Variants in RLBP1 observed in about 807,000 individuals in gnomAD.
The protein encoded by RLBP1 is retinaldehyde binding protein 1, also known as retinaldehyde-binding protein 1.
In RLBP1, 26 loss-of-function variants were observed where a neutral mutation model predicts 36.2. The observed-to-expected ratio is 0.72, with a 90% confidence interval of 0.53 to 1.00. The LOEUF is 1.00. Among genes scored for constraint, RLBP1 ranks in the 50% least tolerant of loss-of-function variants. The pLI is 0.00. For missense variants in RLBP1, 410 were observed against 402.4 expected (o/e 1.02, Z -0.16); for synonymous variants, 155 against 156.2 (o/e 0.99, Z 0.06).
In RLBP1 at chr15:89,219,075, G is replaced by C. The variant is rs1567124685; in HGVS notation, c.-100C>G. The C allele has an allele frequency of 1.8e-5, 25 of 1,395,674 alleles. No homozygotes were observed. The highest frequency in any genetic ancestry group is 2.5e-5 in the Non-Finnish European group (25 of 984,372). The allele number at this position is 1,395,674 out of a possible 1,614,324, so 86.5% of individuals were successfully genotyped here. On this transcript the variant is annotated splice_region_variant and 5_prime_UTR_variant, in exon 3 of 9. Coordinates refer to ENST00000268125, the MANE Select transcript of RLBP1 (RefSeq NM_000326.5). The stretch of plus-strand genomic sequence containing the variant: ...CCCTTCCCTAGGATAGGAAGTCAGG[G>C]CTGCAGGGGTTAGAAAAACCATTCT...
intron 6 of RLBP1, among the ~76,000 whole-genome samples, chr15:89,213,685 A>T (rs568746065): frequency 6.4e-4 from 97 of 152,330 alleles, no homozygotes; most frequent in African/African-American, 2.2e-3. Context: ...AATCTTTAAA[A>T]CACTCCTGAA....
chr15:89,215,217 T>C lies in RLBP1; in HGVS notation c.368A>G (p.Gln123Arg). Reference protein sequence around the residue: ...LLRGYVNFRLQYPELFDSLSP... With the variant: ...LLRGYVNFRLRYPELFDSLSP... ...CAGGCTGTCAAAGAGCTCAGGGTAC[T>C]GCAGCCGGAAATTCACATAGCCTGG... is the stretch of plus-strand genomic sequence containing the variant. Residue 123 changes from glutamine (Q) to arginine (R), a missense_variant, in exon 6 of 9, where the codon CAG (glutamine) becomes CGG (arginine). Physicochemically the swap from Gln to Arg is conservative, Grantham distance 43 (BLOSUM62 1). Transcript: ENST00000268125. 1 of 1,614,164 alleles carries C rather than the reference T, an allele frequency of 6.2e-7. No homozygotes were observed. Among genetic ancestry groups the C allele is most frequent in the South Asian group, 1.1e-5 (1 of 91,080 alleles).
rs953519357 is a variant in RLBP1, at chr15:89,209,928, C to T, written c.*357G>A. 3 of 323,558 alleles carry T rather than the reference C, an allele frequency of 9.3e-6. No homozygotes were observed. Among genetic ancestry groups the T allele is most frequent in the Non-Finnish European group, 1.8e-5 (3 of 169,794 alleles). 20.0% of individuals were successfully genotyped at this position (323,558 alleles called of 1,614,324 possible). ...GGGGCGAATAGGGGGATATTTTAAC[C>T]CGGGCTCCTTGCCTGTTTTCACAGA... On this transcript the variant is annotated 3_prime_UTR_variant, in exon 9 of 9. Transcript: ENST00000268125.
chr15:89,210,441 G>A lies in RLBP1; in HGVS notation c.798C>T (p.Val266=), dbSNP rs2051527656. Residue 266 remains valine (V), a splice_region_variant and synonymous_variant, in exon 9 of 9, where the codon GTC becomes GTT. Coordinates refer to ENST00000268125, the MANE Select transcript of RLBP1 (RefSeq NM_000326.5). This position sits in a 1 kb window ranked among gnomAD's most constrained non-coding sequence, Gnocchi z 4.7. ...CAGAAAGGTCATCCCCGTGGACAAAGACCTGCAGGGAAGCAAGGGAGACAG... is the reference window on the plus strand; with the variant it reads ...CAGAAAGGTCATCCCCGTGGACAAAAACCTGCAGGGAAGCAAGGGAGACAG... The part of the protein sequence containing the change: ...PFLKSKLLER[V]FVHGDDLSGF... The A allele has an allele frequency of 1.2e-6, 2 of 1,614,140 alleles. No homozygotes were observed. The highest frequency in any genetic ancestry group is 1.7e-6 in the Non-Finnish European group (2 of 1,180,024).
rs1474114856 is a variant in RLBP1, at chr15:89,214,791, C to T, written c.525+269G>A. ...GCTCATGGCACACAGCTGTTACCCC[C>T]ACTTGGCACTTGGCAGGGATACCCA... On this transcript the variant is annotated intron_variant, in intron 6 of 8. Coordinates refer to ENST00000268125, the MANE Select transcript of RLBP1 (RefSeq NM_000326.5). This position sits in a 1 kb window ranked among gnomAD's most constrained non-coding sequence, Gnocchi z 4.6. Among the ~76,000 whole-genome samples, 2 of 152,242 alleles carry T rather than the reference C, an allele frequency of 1.3e-5. No homozygotes were observed. Among genetic ancestry groups the T allele is most frequent in the Admixed American group, 6.5e-5 (1 of 15,292 alleles).
Position 89,218,141 on chromosome 15 carries a change from T to C in RLBP1, c.141+424A>G, listed in dbSNP as rs576862901. Among the ~76,000 whole-genome samples, 3 of 152,288 alleles carry C rather than the reference T, an allele frequency of 2.0e-5. No individual in the cohort carries two copies. The highest frequency in any genetic ancestry group is 2.9e-5 in the Non-Finnish European group (2 of 68,020). Reference sequence around the variant, plus strand: ...GAGCTAGTCCACCAACCGTCTTTCATAGATACAGAAGGCAAGACCCAGAGA... The same window carrying C: ...GAGCTAGTCCACCAACCGTCTTTCACAGATACAGAAGGCAAGACCCAGAGA... On this transcript the variant is annotated intron_variant, in intron 4 of 8. Coordinates refer to ENST00000268125, the MANE Select transcript of RLBP1 (RefSeq NM_000326.5). The surrounding 1 kb of genome is among the most constrained non-coding windows in gnomAD (Gnocchi z 4.6).
In RLBP1 at chr15:89,218,334, G is replaced by A. The variant is rs1048349341; in HGVS notation, c.141+231C>T. On this transcript the variant is annotated intron_variant, in intron 4 of 8. Coordinates refer to ENST00000268125, the MANE Select transcript of RLBP1 (RefSeq NM_000326.5). The surrounding 1 kb of genome is among the most constrained non-coding windows in gnomAD (Gnocchi z 4.6). ...GTCTAGTTTAGAGGGCCCTAGTTCC[G>A]AGGCTCTGGGCTGTAGTCTTGGGTT... Among the ~76,000 whole-genome samples the A allele has an allele frequency of 5.3e-5, 8 of 152,150 alleles. No individual in the cohort carries two copies. The highest frequency in any genetic ancestry group is 9.7e-5 in the African/African-American group (4 of 41,438).
At chr15:89,217,063 T>TA in intron 5 of RLBP1, 57 bp downstream of exon 5, 1 of 1,565,616 alleles carries the variant, frequency 6.4e-7, no homozygotes, top group East Asian at 2.3e-5. Flanking sequence ...TGAGAGCGGA[T>TA]AGCATCCTCA....
At position 89,217,281 on chromosome 15, in the gene RLBP1, G is replaced by A. The variant is rs144641995; in HGVS notation, c.185C>T (p.Ala62Val). 2 of 1,609,064 alleles carry A rather than the reference G, an allele frequency of 1.2e-6. No homozygotes were observed. The highest frequency in any genetic ancestry group is 1.7e-6 in the Non-Finnish European group (2 of 1,179,996). ...LNEREETREEAVRELQEMVQA... is the reference protein window; with the variant it reads ...LNEREETREEVVRELQEMVQA... ...CACCATCTCCTGCAGCTCTCGCACT[G>A]CCTCCTCCCGGGTCTCCTCTCTCTC... Residue 62 changes from alanine to valine, a missense_variant, in exon 5 of 9, where the codon GCA becomes GTA. By Grantham distance (64) the Ala-to-Val change is moderately conservative. Transcript: ENST00000268125.
intron 5 of RLBP1, among the ~76,000 whole-genome samples, chr15:89,216,536 G>T (rs1330957562): frequency 6.6e-6 from 1 of 152,168 alleles, no homozygotes; most frequent in East Asian, 1.9e-4. Flanking sequence ...TGGTCAGGCT[G>T]GTCTCAAACC....
intron 5 of RLBP1, among the ~76,000 whole-genome samples, chr15:89,216,154 C>G (rs952521196): frequency 2.0e-5 from 3 of 152,262 alleles, no homozygotes; most frequent in Admixed American, 6.5e-5. Flanking sequence ...TCCACTGCAT[C>G]CCTTGGCCTA....
At chr15:89,217,788 C>T (rs1190987360) in intron 4 of RLBP1, among the ~76,000 whole-genome samples, 1 of 152,252 alleles carries the variant, frequency 6.6e-6, no homozygotes, top group Non-Finnish European at 1.5e-5. Context: ...TCTGCTGCCT[C>T]CCAGGCTTGA....
At chr15:89,216,661 G>C (rs892363779) in intron 5 of RLBP1, among the ~76,000 whole-genome samples, 1 of 152,204 alleles carries the variant, frequency 6.6e-6, no homozygotes, top group Non-Finnish European at 1.5e-5. Context: ...CCAGCCAGCA[G>C]TGCCAGAGCG....
At chr15:89,216,466 G>C (rs2051581235) in intron 5 of RLBP1, among the ~76,000 whole-genome samples, 1 of 152,192 alleles carries the variant, frequency 6.6e-6, no homozygotes, top group Non-Finnish European at 1.5e-5. Flanking sequence ...GAGATTACAG[G>C]CATGCGCCAC....
rs369763591 is a variant in RLBP1, at chr15:89,217,189, T to C, written c.277A>G (p.Ser93Gly). 88 of 1,613,916 alleles carry C rather than the reference T, an allele frequency of 5.5e-5. 1 individual carries two copies. The highest frequency in any genetic ancestry group is 6.9e-5 in the Non-Finnish European group (82 of 1,180,044). ...AVAERVQEKD[S>G]GFFLRFIRAR... is the part of the protein sequence containing the mutation. The stretch of plus-strand genomic sequence containing the variant: ...CGGATGAAGCGCAGGAAGAAGCCGC[T>C]GTCCTTCTCTTGCACCCTCTCCGCC... Residue 93 changes from serine (S) to glycine (G), a missense_variant, in exon 5 of 9, where the codon AGC (serine) becomes GGC (glycine). Ser to Gly is a moderately conservative substitution (Grantham distance 56). Transcript: ENST00000268125.
At chr15:89,216,228 A>G (rs1025724393) in intron 5 of RLBP1, among the ~76,000 whole-genome samples, 1 of 152,166 alleles carries the variant, frequency 6.6e-6, no homozygotes, top group Non-Finnish European at 1.5e-5. Context: ...TAGGAAAAGG[A>G]AAATCATTAG....
In RLBP1 at chr15:89,215,315, G is replaced by C; in HGVS notation, c.347-77C>G. 5 of 1,484,296 alleles carry C rather than the reference G, an allele frequency of 3.4e-6. 1 individual carries two copies. The African/African-American group carries it at 6.9e-5, about 21-fold the overall frequency. The allele number at this position is 1,484,296 out of a possible 1,614,324, so 91.9% of individuals were successfully genotyped here. A position where few individuals can be genotyped will look rare whatever the true frequency, so the allele number is the denominator to read the frequency against. ...CCCATCCCTCCTAGTGGGACTCAGAGACCTGACCTCCTGCCAGGTCCTATG... is the reference window on the plus strand; with the variant it reads ...CCCATCCCTCCTAGTGGGACTCAGACACCTGACCTCCTGCCAGGTCCTATG... On this transcript the variant is annotated intron_variant, in intron 5 of 8. Coordinates refer to ENST00000268125, the MANE Select transcript of RLBP1 (RefSeq NM_000326.5).
chr15:89,210,248 G>A lies in RLBP1; in HGVS notation c.*37C>T. On this transcript the variant is annotated 3_prime_UTR_variant, in exon 9 of 9. Transcript: ENST00000268125. The surrounding 1 kb of genome is among the most constrained non-coding windows in gnomAD (Gnocchi z 4.7). ...TCCAGGACAGTTGAGGAGAGGCCCA[G>A]AGATTCTAACTACAGTTCAGCTGGC... The A allele has an allele frequency of 6.2e-7, 1 of 1,611,880 alleles. No homozygotes were observed. Among genetic ancestry groups the A allele is most frequent in the Non-Finnish European group, 8.5e-7 (1 of 1,179,474 alleles).
In RLBP1 at chr15:89,214,544, T is replaced by G. The variant is rs1465840225; in HGVS notation, c.525+516A>C. ...AATCTTTTTCAGGCTCAGTGGCGCA[T>G]GCCAAAGTTCTCCCAAGACAAACCC... On this transcript the variant is annotated intron_variant, in intron 6 of 8. Transcript: ENST00000268125. This position sits in a 1 kb window ranked among gnomAD's most constrained non-coding sequence, Gnocchi z 4.6. Among the ~76,000 whole-genome samples the G allele has an allele frequency of 1.3e-5, 2 of 152,202 alleles. No individual in the cohort carries two copies. The highest frequency in any genetic ancestry group is 2.9e-5 in the Non-Finnish European group (2 of 68,032).
Sources: gnomAD v4.1 joint callset for allele counts (sites outside exome capture counted in the v4.1 genomes callset) on GRCh38, gnomAD v4.1.1 for gene constraint, Gnocchi (gnomAD v3.1) non-coding constraint, MANE v1.5 for transcripts, NCBI Gene and HGNC (gene_info 2026-07-23, HGNC 2026-07-21) for gene names.